The following NUDCD1 variants were observed in gnomAD, a reference collection of about 807,000 sequenced individuals.
NUDCD1 encodes NudC domain containing 1.
NUDCD1 carries 60 observed loss-of-function variants against 67.8 expected under a neutral mutation model. The ratio of observed to expected loss-of-function variants is 0.88; its 90% confidence interval spans 0.72 to 1.10. NUDCD1 has a LOEUF of 1.10. NUDCD1 is among the 50% of genes least tolerant of loss of function. The pLI is 0.00. For missense variants in NUDCD1, 643 were observed against 695.0 expected, an observed-to-expected ratio of 0.93 and a Z score of 0.84; for synonymous variants, 244 against 230.8, an observed-to-expected ratio of 1.06 and a Z score of -0.52.
Position 109,271,113 on chromosome 8 carries a change from T to A in NUDCD1, c.1191A>T (p.Lys397Asn), listed in dbSNP as rs767636561. The change falls in exon 8 of 10, where the codon AAA (lysine) becomes AAT (asparagine). Residue 397 changes from lysine (K) to asparagine (N), a missense_variant. Transcript: ENST00000239690. Reference sequence around the variant, plus strand: ...CTTGAGCATTGCAAGGTGGTTTTTCTTTATCTGGATTTGGATTCTTAGTCC... The same window carrying A: ...CTTGAGCATTGCAAGGTGGTTTTTCATTATCTGGATTTGGATTCTTAGTCC... ...TSEELNPNPDKEKPPCNAQEL... is the reference protein window; with the variant it reads ...TSEELNPNPDNEKPPCNAQEL... 1.9e-6 allele frequency: 3 copies of A among 1,566,776 alleles called. No individual in the cohort carries two copies. The highest frequency in any genetic ancestry group is 1.9e-5 in the Admixed American group (1 of 53,712).
intron 2 of NUDCD1, among the ~76,000 whole-genome samples, chr8:109,321,361 A>C (rs1815531854): frequency 6.6e-6 from 1 of 152,344 alleles, no homozygotes; most frequent in Admixed American, 6.5e-5. Context: ...AAGTTTTCAC[A>C]TTGTTTTTAA....
intron 2 of NUDCD1, among the ~76,000 whole-genome samples, chr8:109,308,702 T>C (rs892858602): frequency 4.6e-5 from 7 of 151,798 alleles, no homozygotes; most frequent in African/African-American, 1.7e-4. Flanking sequence ...CTGGGTGCGG[T>C]GGCTCACGCC....
At chr8:109,301,591 G>A (rs139380858) in intron 2 of NUDCD1, among the ~76,000 whole-genome samples, 6,986 of 152,248 alleles carry the variant, frequency 0.046, 211 homozygotes, top group Admixed American at 0.067. Context: ...CTACGACCTC[G>A]GGTCCTCAGA....
At chr8:109,273,533 A>C (rs1222264366) in intron 7 of NUDCD1, among the ~76,000 whole-genome samples, 1 of 152,144 alleles carries the variant, frequency 6.6e-6, no homozygotes, top group Non-Finnish European at 1.5e-5. Flanking sequence ...TATCCCCGGT[A>C]AACAAAAGGA....
At chr8:109,252,008 T>C (rs1187344018) in intron 8 of NUDCD1, among the ~76,000 whole-genome samples, 1 of 152,196 alleles carries the variant, frequency 6.6e-6, no homozygotes, top group Non-Finnish European at 1.5e-5. Flanking sequence ...ATTCATAGGT[T>C]ACTCAGTTTT....
intron 5 of NUDCD1, among the ~76,000 whole-genome samples, chr8:109,282,059 GTATGCC>G (rs1391752274): frequency 1.3e-5 from 2 of 152,142 alleles, no homozygotes; most frequent in Non-Finnish European, 2.9e-5. Context: ...CCACACTTAG[GTATGCC>G]TCTGGGCATT....
chr8:109,321,450 A>G (rs1815534911), intron 2 of NUDCD1, among the ~76,000 whole-genome samples: 2 of 152,206 alleles, frequency 1.3e-5, no homozygotes, highest in African/African-American at 4.8e-5. Flanking sequence ...CATTTAAAAA[A>G]TAATAATACA....
At chr8:109,318,782 A>G (rs904759884) in intron 2 of NUDCD1, among the ~76,000 whole-genome samples, 1 of 152,176 alleles carries the variant, frequency 6.6e-6, no homozygotes, top group African/African-American at 2.4e-5. Flanking sequence ...TGGATTAGAA[A>G]TAACAGGAGG....
At chr8:109,302,020 C>T (rs887824656) in intron 2 of NUDCD1, among the ~76,000 whole-genome samples, 2 of 152,186 alleles carry the variant, frequency 1.3e-5, no homozygotes, top group Non-Finnish European at 2.9e-5. Flanking sequence ...CTCCCTTCTC[C>T]CTGTCTCTAC....
Position 109,280,976 on chromosome 8 carries a change from C to A in NUDCD1, c.1020G>T (p.Glu340Asp), listed in dbSNP as rs190523466. The change falls in exon 6 of 10, where the codon GAG (glutamate) becomes GAT (aspartate). Residue 340 changes from glutamate to aspartate, a missense_variant. Glu to Asp is a conservative substitution (Grantham distance 45). Transcript: ENST00000239690. Reference protein sequence around the residue: ...DHESSTWIIKESNSLEISLIK... With the variant: ...DHESSTWIIKDSNSLEISLIK... ...AAATTAAAAAAAAATACCTATTACT[C>A]TCTTTAATTATCCATGTACTGCTTT... 1 of 1,525,624 alleles carries A rather than the reference C, an allele frequency of 6.6e-7. No individual in the cohort carries two copies. Among genetic ancestry groups the A allele is most frequent in the Non-Finnish European group, 9.0e-7 (1 of 1,109,030 alleles). The allele number at this position is 1,525,624 out of a possible 1,614,324, so 94.5% of individuals were successfully genotyped here. A position where few individuals can be genotyped will look rare whatever the true frequency, so the allele number is the denominator to read the frequency against.
chr8:109,285,847 A>G (rs894185312), intron 5 of NUDCD1, among the ~76,000 whole-genome samples: 2 of 152,192 alleles, frequency 1.3e-5, no homozygotes, highest in African/African-American at 4.8e-5. Flanking sequence ...AAGGTATCCA[A>G]TTAGGAAAAG....
intron 9 of NUDCD1, among the ~76,000 whole-genome samples, chr8:109,243,772 T>A (rs1330924970): frequency 6.6e-6 from 1 of 152,160 alleles, no homozygotes; most frequent in Non-Finnish European, 1.5e-5. Flanking sequence ...TCATAATGTA[T>A]CCCTGAATGT....
chr8:109,329,201 G>T (rs191304889), intron 1 of NUDCD1, among the ~76,000 whole-genome samples: 1 of 152,078 alleles, frequency 6.6e-6, no homozygotes, highest in Non-Finnish European at 1.5e-5. Context: ...AAAAAAGTAT[G>T]AAGAAAAAAT....
intron 2 of NUDCD1, among the ~76,000 whole-genome samples, chr8:109,300,766 T>C (rs1814966990): frequency 6.6e-6 from 1 of 152,160 alleles, no homozygotes; most frequent in Non-Finnish European, 1.5e-5. Flanking sequence ...GGAAATTCAC[T>C]GCAAAAAAAT....
rs143668430 is a variant in NUDCD1, at chr8:109,281,082, T to A, written c.914A>T (p.Gln305Leu). ...AATGTTGATGTGATCAGGCAAAAAC[T>A]GTATTTGAATGTCCTCCTTAGTACT... ...EDSTKEDIQI[Q>L]FLPDHINIVL... Residue 305 changes from glutamine to leucine, a missense_variant, in exon 6 of 10, where the codon CAG becomes CTG. By Grantham distance (113) the Gln-to-Leu change is moderately radical. Coordinates refer to ENST00000239690, the MANE Select transcript of NUDCD1 (RefSeq NM_032869.4). 2 of 1,612,916 alleles carry A rather than the reference T, an allele frequency of 1.2e-6. No homozygotes were observed. Among genetic ancestry groups the A allele is most frequent in the African/African-American group, 2.7e-5 (2 of 74,900 alleles).
intron 1 of NUDCD1, among the ~76,000 whole-genome samples, chr8:109,326,861 A>G (rs1357127374): frequency 6.6e-6 from 1 of 152,218 alleles, no homozygotes; most frequent in East Asian, 1.9e-4. Context: ...AACAGTGAAT[A>G]AAACAGACCT....
intron 6 of NUDCD1, among the ~76,000 whole-genome samples, chr8:109,276,254 T>C (rs1035669158): frequency 6.6e-6 from 1 of 152,054 alleles, no homozygotes; most frequent in African/African-American, 2.4e-5. Context: ...ACTACGGACA[T>C]AGGAGAAGAA....
chr8:109,329,690 G>C (rs865774624), intron 1 of NUDCD1: 7 of 854,716 alleles, frequency 8.2e-6, no homozygotes, highest in Non-Finnish European at 1.1e-5. Context: ...ATGATTTCAC[G>C]GGTGTATACA....
At chr8:109,330,899 G>A (rs1456648801) in intron 1 of NUDCD1, among the ~76,000 whole-genome samples, 2 of 152,164 alleles carry the variant, frequency 1.3e-5, no homozygotes, top group African/African-American at 4.8e-5. Flanking sequence ...GAATGGGGTA[G>A]GGGGAGGGAG....
Sources: gnomAD v4.1 joint callset for allele counts (sites outside exome capture counted in the v4.1 genomes callset) on GRCh38, gnomAD v4.1.1 for gene constraint, MANE v1.5 for transcripts, NCBI Gene and HGNC (gene_info 2026-07-23, HGNC 2026-07-21) for gene names.